Variants in PDZRN3 observed in about 807,000 individuals in gnomAD.
PDZRN3 encodes the protein PDZ domain containing ring finger 3, also known as E3 ubiquitin-protein ligase PDZRN3.
Under a neutral mutation model 85.7 loss-of-function variants are expected in PDZRN3, and 38 were observed. The observed-to-expected ratio is 0.44, with a 90% CI of 0.34 to 0.58. The LOEUF (loss-of-function observed/expected upper bound fraction) is 0.58. Among genes scored for constraint, PDZRN3 ranks in the 20% least tolerant of loss-of-function variants. The pLI is 0.01. For synonymous variants in PDZRN3, 759 were observed against 638.0 expected, an observed-to-expected ratio of 1.19 and a Z score of -2.86; for missense variants, 1,629 against 1,506.4, an observed-to-expected ratio of 1.08 and a Z score of -1.35.
At chr3:73,544,738 C>T (rs926286070) in intron 3 of PDZRN3, among the ~76,000 whole-genome samples, 6 of 151,616 alleles carry the variant, frequency 4.0e-5, no homozygotes, top group African/African-American at 1.5e-4. Flanking sequence ...GATGCCCTGG[C>T]ATTTAAAAAT....
At position 73,384,310 on chromosome 3, in the gene PDZRN3, C is replaced by T. The variant is rs1701299969; in HGVS notation, c.2256G>A (p.Lys752=). Residue 752 remains lysine (K), a synonymous_variant, in exon 10 of 10, where the codon AAG becomes AAA. Transcript: ENST00000263666. ...DITELPEKSD[K]DSSSAYNTGE... ...CTGTGTTGTAGGCGCTCGAGCTGTC[C>T]TTGTCGGATTTCTCCGGGAGCTCGG... 3 of 1,612,462 alleles carry T rather than the reference C, an allele frequency of 1.9e-6. No individual in the cohort carries two copies. The highest frequency in any genetic ancestry group is 1.7e-6 in the Non-Finnish European group (2 of 1,179,984).
chr3:73,409,880 TG>T (rs1247638221), intron 3 of PDZRN3, among the ~76,000 whole-genome samples: 5 of 152,204 alleles, frequency 3.3e-5, no homozygotes, highest in African/African-American at 1.2e-4. Context: ...TACCTATTTA[TG>T]GGGGACATTT....
intron 3 of PDZRN3, among the ~76,000 whole-genome samples, chr3:73,508,795 T>C (rs971084719): frequency 7.2e-5 from 11 of 152,172 alleles, no homozygotes; most frequent in Non-Finnish European, 1.5e-4. Flanking sequence ...AATTGATACA[T>C]TGGAAAATAA....
chr3:73,422,701 C>T (rs1702228530), intron 3 of PDZRN3, among the ~76,000 whole-genome samples: 1 of 152,140 alleles, frequency 6.6e-6, no homozygotes, highest in African/African-American at 2.4e-5. Flanking sequence ...TGGTGGTTGA[C>T]TCCCTCCCTT....
At chr3:73,436,075 C>T (rs772790766) in intron 3 of PDZRN3, among the ~76,000 whole-genome samples, 13 of 152,168 alleles carry the variant, frequency 8.5e-5, no homozygotes, top group Non-Finnish European at 1.6e-4. Context: ...TCCCCATCTC[C>T]GCTCAAATGA....
chr3:73,471,180 G>A (rs1210915102), intron 3 of PDZRN3, among the ~76,000 whole-genome samples: 3 of 152,116 alleles, frequency 2.0e-5, no homozygotes, highest in East Asian at 1.9e-4. Context: ...GAGGGACAAC[G>A]ATGTGAAGAG....
chr3:73,384,365 T>A lies in PDZRN3; in HGVS notation c.2201A>T (p.Asp734Val), dbSNP rs769382397. The change falls in exon 10 of 10, where the codon GAC (aspartate) becomes GTC (valine). Residue 734 changes from aspartate (D) to valine (V), a missense_variant. Physicochemically the swap from Asp to Val is radical, Grantham distance 152. Coordinates refer to ENST00000263666, the MANE Select transcript of PDZRN3 (RefSeq NM_015009.3). ...SGFRNYNTSI[D>V]VRRHELSDIT... Reference sequence around the variant, plus strand: ...ATCTGAGAGCTCGTGTCTGCGCACGTCGATGCTGGTGTTGTAGTTGCGGAA... The same window carrying A: ...ATCTGAGAGCTCGTGTCTGCGCACGACGATGCTGGTGTTGTAGTTGCGGAA... 2.5e-6 allele frequency: 4 copies of A among 1,609,600 alleles called. 1 individual carries two copies. In the South Asian group the frequency reaches 4.4e-5, roughly 18 times the overall value.
rs112524602 is a variant in PDZRN3, at chr3:73,516,041, G to A, written c.918+86313C>T. On this transcript the variant is annotated intron_variant, in intron 3 of 9. Transcript: ENST00000263666. The stretch of plus-strand genomic sequence containing the variant: ...GTAGATCTGTCTAACTGAGCGTTTG[G>A]AGCTCTACTTCATTCTTTTTAATAG... Among the ~76,000 whole-genome samples, 624 of 152,030 alleles carry A rather than the reference G, an allele frequency of 4.1e-3. 6 individuals carry two copies. Among genetic ancestry groups the A allele is most frequent in the African/African-American group, 0.014 (595 of 41,434 alleles).
At chr3:73,478,556 T>A (rs749346992) in intron 3 of PDZRN3, among the ~76,000 whole-genome samples, 1 of 151,008 alleles carries the variant, frequency 6.6e-6, no homozygotes, top group Non-Finnish European at 1.5e-5. Context: ...ATAATAATAA[T>A]GTAATAATAA....
intron 3 of PDZRN3, among the ~76,000 whole-genome samples, chr3:73,454,014 C>T (rs1319962588): frequency 6.6e-6 from 1 of 152,158 alleles, no homozygotes; most frequent in East Asian, 1.9e-4. Flanking sequence ...CAAATATTTT[C>T]ACGACAGAGA....
chr3:73,537,275 G>A (rs1704810047), intron 3 of PDZRN3, among the ~76,000 whole-genome samples: 2 of 152,180 alleles, frequency 1.3e-5, no homozygotes, highest in African/African-American at 4.8e-5. Context: ...GGAGAAGACT[G>A]TGTTCCTAAA....
At chr3:73,500,881 T>A (rs948722171) in intron 3 of PDZRN3, among the ~76,000 whole-genome samples, 2 of 152,208 alleles carry the variant, frequency 1.3e-5, no homozygotes, top group Non-Finnish European at 2.9e-5. Context: ...TGTGAATCTA[T>A]CCACCAACTC....
At chr3:73,608,122 G>T (rs1001575924) in intron 2 of PDZRN3, among the ~76,000 whole-genome samples, 6 of 152,142 alleles carry the variant, frequency 3.9e-5, no homozygotes, top group African/African-American at 1.4e-4. Context: ...TCAAAGAGCT[G>T]CAGTGGGAAG....
At chr3:73,542,782 T>A (rs542449698) in intron 3 of PDZRN3, among the ~76,000 whole-genome samples, 218 of 151,544 alleles carry the variant, frequency 1.4e-3, no homozygotes, top group Admixed American at 2.2e-3. Context: ...CTCAAAAAAA[T>A]AAAATAAAAT....
chr3:73,425,288 G>C (rs1205071162), intron 3 of PDZRN3, among the ~76,000 whole-genome samples: 1 of 152,058 alleles, frequency 6.6e-6, no homozygotes, highest in Non-Finnish European at 1.5e-5. Context: ...AAAGTGCTGG[G>C]ATTACAGGCG....
At position 73,624,616 on chromosome 3, in the gene PDZRN3, C is replaced by G; in HGVS notation, c.210G>C (p.Pro70=). Residue 70 remains proline, a synonymous_variant, in exon 1 of 10, where the codon CCG becomes CCC. Transcript: ENST00000263666. ...CCAGCTTGAGGATAAGGCGCTTGAG[C>G]GGCAGGACGTGGTTGAGCTCTTTGG... ...LSAKELNHVL[P]LKRLILKLDI... 1 of 1,558,428 alleles carries G rather than the reference C, an allele frequency of 6.4e-7. No homozygotes were observed. Among genetic ancestry groups the G allele is most frequent in the East Asian group, 2.6e-5 (1 of 38,688 alleles).
chr3:73,459,407 G>A (rs1703056326), intron 3 of PDZRN3, among the ~76,000 whole-genome samples: 1 of 151,994 alleles, frequency 6.6e-6, no homozygotes, highest in Non-Finnish European at 1.5e-5. Context: ...TGTTTTATAG[G>A]TAAACTCATG....
At chr3:73,492,226 C>T (rs1297670733) in intron 3 of PDZRN3, among the ~76,000 whole-genome samples, 2 of 152,156 alleles carry the variant, frequency 1.3e-5, no homozygotes, top group East Asian at 1.9e-4. Flanking sequence ...AAATATTTCA[C>T]AGAAAAACCC....
At chr3:73,424,557 A>G (rs1254231081) in intron 3 of PDZRN3, among the ~76,000 whole-genome samples, 1 of 150,518 alleles carries the variant, frequency 6.6e-6, no homozygotes, top group East Asian at 1.9e-4. Flanking sequence ...AAAAAAAAAA[A>G]AAAAAAAGAA....
Sources: gnomAD v4.1 joint callset for allele counts (sites outside exome capture counted in the v4.1 genomes callset) on GRCh38, gnomAD v4.1.1 for gene constraint, MANE v1.5 for transcripts, NCBI Gene and HGNC (gene_info 2026-07-23, HGNC 2026-07-21) for gene names.